Variants in TBCD observed in about 807,000 individuals in gnomAD.
TBCD encodes tubulin-specific chaperone D.
TBCD carries 105 observed loss-of-function variants against 169.3 expected under a neutral mutation model. The observed-to-expected ratio is 0.62, with a 90% confidence interval of 0.53 to 0.73. The LOEUF is 0.73. Ranked by LOEUF, TBCD falls within the 30% of genes least tolerant of loss-of-function variation. The pLI is 0.00. For missense variants in TBCD, 1,444 were observed against 1,600.1 expected (o/e 0.90, Z 1.66); for synonymous variants, 700 against 643.9 (o/e 1.09, Z -1.32).
rs1334071039 is a variant in TBCD, at chr17:82,921,587, G to A, written c.2178+10G>A. On this transcript the variant is annotated intron_variant, in intron 25 of 38. Coordinates refer to ENST00000355528, the MANE Select transcript of TBCD (RefSeq NM_005993.5). ...CCGCCAGCAGATGAAGGTACAGTGA[G>A]CATGGGCGTTCCCGGCCGGCGCTGT... 6.2e-7 allele frequency: 1 copy of A among 1,613,786 alleles called. No individual in the cohort carries two copies. Among genetic ancestry groups the A allele is most frequent in the South Asian group, 1.1e-5 (1 of 91,074 alleles).
intron 13 of TBCD, among the ~76,000 whole-genome samples, chr17:82,862,271 AT>A (rs2056835495): frequency 6.6e-6 from 1 of 152,024 alleles, no homozygotes; most frequent in African/African-American, 2.4e-5. Flanking sequence ...TATTTCCATC[AT>A]TTTATATTTG....
intron 23 of TBCD, among the ~76,000 whole-genome samples, chr17:82,919,578 G>C (rs375537507): frequency 6.6e-6 from 1 of 152,104 alleles, no homozygotes; most frequent in African/African-American, 2.4e-5. Context: ...GCAGACTCAC[G>C]TGGCCGTGGA....
At chr17:82,882,100 C>T (rs1025010690) in intron 14 of TBCD, among the ~76,000 whole-genome samples, 9 of 152,232 alleles carry the variant, frequency 5.9e-5, no homozygotes, top group Admixed American at 2.6e-4. Context: ...TCACAAGGCC[C>T]GAGTCACATG....
intron 13 of TBCD, among the ~76,000 whole-genome samples, chr17:82,862,293 A>C (rs1188612087): frequency 6.6e-6 from 1 of 152,040 alleles, no homozygotes; most frequent in Non-Finnish European, 1.5e-5. Flanking sequence ...TCAGATTTTT[A>C]TGCAGGGGGG....
At position 82,944,884 on chromosome 17, in the gene TBCD, C is replaced by CTAAA. The variant is rs1307046341; in HGVS notation, c.*2425_*2428dup. Reference sequence around the variant, plus strand: ...TGGACCACTATATAAAGCTGGGACCCTAAATAAGTCTTTTTCAAAGGAACA... The same window carrying CTAAA: ...TGGACCACTATATAAAGCTGGGACCCTAAATAAATAAGTCTTTTTCAAAGGAACA... On this transcript the variant is annotated 3_prime_UTR_variant, in exon 39 of 39. Coordinates refer to ENST00000355528, the MANE Select transcript of TBCD (RefSeq NM_005993.5). 1.3e-5 allele frequency: 2 copies of CTAAA among 152,150 alleles called. No homozygotes were observed. The highest frequency in any genetic ancestry group is 2.4e-5 in the African/African-American group (1 of 41,428). The allele number at this position is 152,150 out of a possible 1,614,324, so 9.4% of individuals were successfully genotyped here. A position where few individuals can be genotyped will look rare whatever the true frequency, so the allele number is the denominator to read the frequency against.
chr17:82,776,479 G>T (rs988980345), intron 6 of TBCD, among the ~76,000 whole-genome samples: 13 of 152,200 alleles, frequency 8.5e-5, no homozygotes, highest in Admixed American at 7.2e-4. Context: ...TACACAGTGC[G>T]TGTACCGTGT....
At chr17:82,786,768 G>A (rs1050276603) in intron 7 of TBCD, among the ~76,000 whole-genome samples, 1 of 151,664 alleles carries the variant, frequency 6.6e-6, no homozygotes, top group Non-Finnish European at 1.5e-5. Flanking sequence ...GGAGGGTCTT[G>A]TGGCCACATG....
chr17:82,803,969 G>A (rs1234416928), intron 9 of TBCD, among the ~76,000 whole-genome samples: 2 of 149,128 alleles, frequency 1.3e-5, no homozygotes, highest in African/African-American at 5.0e-5. Flanking sequence ...CTGGGGGCTG[G>A]GGTGTGCCTG....
At chr17:82,873,101 G>T (rs866748282) in intron 14 of TBCD, among the ~76,000 whole-genome samples, 2 of 152,384 alleles carry the variant, frequency 1.3e-5, no homozygotes, top group Middle Eastern at 6.8e-3. Flanking sequence ...CTGTGAGGCC[G>T]TGGAAAGACC....
chr17:82,802,175 G>A (rs950642753), intron 9 of TBCD, among the ~76,000 whole-genome samples: 1 of 135,686 alleles, frequency 7.4e-6, no homozygotes, highest in African/African-American at 2.8e-5. Context: ...TGTCTTAGCA[G>A]TCTGTAGCGG....
At chr17:82,755,983 G>A (rs1837611665) in intron 1 of TBCD, among the ~76,000 whole-genome samples, 182 bp from the exon 2 acceptor site, 1 of 152,078 alleles carries the variant, frequency 6.6e-6, no homozygotes, top group Non-Finnish European at 1.5e-5. Context: ...CTAGAGGGAG[G>A]TGGGGCATTC....
At position 82,809,695 on chromosome 17, in the gene TBCD, G is replaced by T. The variant is rs369024074; in HGVS notation, c.1149-13G>T. ...GGTGGTGCCCCTGACGGATTGCTGC[G>T]TTTCTCTTTCAGCATCGGTAGGATG... On this transcript the variant is annotated splice_polypyrimidine_tract_variant and intron_variant, in intron 11 of 38. Coordinates refer to ENST00000355528, the MANE Select transcript of TBCD (RefSeq NM_005993.5). 2 of 1,612,424 alleles carry T rather than the reference G, an allele frequency of 1.2e-6. No homozygotes were observed. Among genetic ancestry groups the T allele is most frequent in the East Asian group, 4.5e-5 (2 of 44,794 alleles).
At chr17:82,881,876 C>T (rs1004807309) in intron 14 of TBCD, among the ~76,000 whole-genome samples, 2 of 152,144 alleles carry the variant, frequency 1.3e-5, no homozygotes, top group Non-Finnish European at 2.9e-5. Context: ...TGACCACACT[C>T]TAGGGGTCCT....
Position 82,831,568 on chromosome 17 carries a change from G to A in TBCD, c.1318+16634G>A. On this transcript the variant is annotated intron_variant, in intron 13 of 38. Transcript: ENST00000355528. The surrounding 1 kb of genome is among the most constrained non-coding windows in gnomAD (Gnocchi z 4.6). The stretch of plus-strand genomic sequence containing the variant: ...GTGATCGTATGTGGCTGGAGATGGA[G>A]CCAGGTGCTTAGGGATCGGCCCCGG... The A allele has an allele frequency of 6.2e-7, 1 of 1,614,200 alleles. No individual in the cohort carries two copies. The highest frequency in any genetic ancestry group is 1.7e-5 in the Admixed American group (1 of 60,030).
At position 82,764,080 on chromosome 17, in the gene TBCD, C is replaced by G. The variant is rs746594787; in HGVS notation, c.333+18C>G. On this transcript the variant is annotated intron_variant, in intron 3 of 38. Transcript: ENST00000355528. ...TCACCAAGGTAACATTTCCATAGCA[C>G]TTCAGAGTTGACAGATACTTTTGTA... 6.3e-7 allele frequency: 1 copy of G among 1,581,796 alleles called. No individual in the cohort carries two copies. The highest frequency in any genetic ancestry group is 2.2e-5 in the East Asian group (1 of 44,730).
chr17:82,790,651 A>G (rs1598507500), intron 7 of TBCD, among the ~76,000 whole-genome samples: 4 of 152,274 alleles, frequency 2.6e-5, no homozygotes, highest in African/African-American at 9.6e-5. Flanking sequence ...CGCCCCCAGC[A>G]TATGTCAGCA....
intron 29 of TBCD, among the ~76,000 whole-genome samples, 167 bp from the exon 30 acceptor site, chr17:82,927,738 G>A (rs573762269): frequency 3.9e-5 from 6 of 152,222 alleles, no homozygotes; most frequent in South Asian, 2.1e-4. Flanking sequence ...TCCCTGTAGC[G>A]CACAGGGAAC....
rs1598350944 is a variant in TBCD at position 82,752,160 on chromosome 17, C to T, written c.-34C>T. On this transcript the variant is annotated 5_prime_UTR_variant, in exon 1 of 39. In the 5' UTR this introduces an upstream ATG that the reference lacks. Transcript: ENST00000355528. Reference sequence around the variant, plus strand: ...TCTAGCGGAGTGGGATCTGCGAACACGTGAGGCGGGGGCGCGGTCCCCAGG... The same window carrying T: ...TCTAGCGGAGTGGGATCTGCGAACATGTGAGGCGGGGGCGCGGTCCCCAGG... 3 of 1,486,036 alleles carry T rather than the reference C, an allele frequency of 2.0e-6. No individual in the cohort carries two copies. The highest frequency in any genetic ancestry group is 2.7e-6 in the Non-Finnish European group (3 of 1,121,086). The allele number at this position is 1,486,036 out of a possible 1,614,324, so 92.1% of individuals were successfully genotyped here.
Position 82,943,746 on chromosome 17 carries a change from C to T in TBCD, c.*1283C>T, listed in dbSNP as rs193242216. ...ACACACTACTGTTGTTGTGTTTGACCTGGTGGCCAATGGTCTTTATACCCT... is the reference window on the plus strand; with the variant it reads ...ACACACTACTGTTGTTGTGTTTGACTTGGTGGCCAATGGTCTTTATACCCT... On this transcript the variant is annotated 3_prime_UTR_variant, in exon 39 of 39. Coordinates refer to ENST00000355528, the MANE Select transcript of TBCD (RefSeq NM_005993.5). 1 of 152,226 alleles carries T rather than the reference C, an allele frequency of 6.6e-6. No homozygotes were observed. Among genetic ancestry groups the T allele is most frequent in the African/African-American group, 2.4e-5 (1 of 41,448 alleles). 9.4% of individuals were successfully genotyped at this position (152,226 alleles called of 1,614,324 possible).
Sources: allele counts gnomAD v4.1 joint callset (sites outside exome capture counted in the v4.1 genomes callset), GRCh38; gene constraint gnomAD v4.1.1; non-coding constraint Gnocchi (gnomAD v3.1); transcripts MANE v1.5; gene names NCBI Gene and HGNC (gene_info 2026-07-23, HGNC 2026-07-21).